The following KCNMA1 variants were observed in gnomAD, a reference collection of about 807,000 sequenced individuals.
KCNMA1 encodes Calcium-activated potassium channel subunit alpha-1.
KCNMA1 carries 29 observed loss-of-function variants against 140.0 expected under a neutral mutation model. That is an observed-to-expected ratio of 0.21 (90% CI 0.15 to 0.28). The LOEUF (loss-of-function observed/expected upper bound fraction) is 0.28. Among genes scored for constraint, KCNMA1 ranks in the 10% least tolerant of loss-of-function variants. The pLI is 1.00. For missense variants in KCNMA1, 880 were observed against 1,602.2 expected (o/e 0.55, Z 7.70); for synonymous variants, 612 against 611.9 (o/e 1.00, Z 0.00).
At chr10:77,401,464 T>C (rs1431603421) in intron 2 of KCNMA1, among the ~76,000 whole-genome samples, 1 of 152,178 alleles carries the variant, frequency 6.6e-6, no homozygotes, top group Non-Finnish European at 1.5e-5. Context: ...CCCAAAATTC[T>C]TTAGCATGGC....
At chr10:76,928,127 T>A (rs1279820653) in intron 23 of KCNMA1, among the ~76,000 whole-genome samples, 1 of 152,152 alleles carries the variant, frequency 6.6e-6, no homozygotes, top group Non-Finnish European at 1.5e-5. Flanking sequence ...TTGCAAACTT[T>A]ATCTTTATTG....
chr10:77,164,788 C>T (rs887066416), intron 5 of KCNMA1, among the ~76,000 whole-genome samples: 1 of 152,114 alleles, frequency 6.6e-6, no homozygotes, highest in African/African-American at 2.4e-5. Flanking sequence ...CCTCTTAGTC[C>T]GGAGGTAACA....
intron 2 of KCNMA1, among the ~76,000 whole-genome samples, chr10:77,359,310 T>C (rs898294230): frequency 6.6e-6 from 1 of 152,098 alleles, no homozygotes; most frequent in Non-Finnish European, 1.5e-5. Flanking sequence ...TCGGTATGTG[T>C]GTGTGAGCGC....
chr10:77,259,660 T>TC (rs2061542128), intron 2 of KCNMA1, among the ~76,000 whole-genome samples: 1 of 152,176 alleles, frequency 6.6e-6, no homozygotes, highest in African/African-American at 2.4e-5. Flanking sequence ...CACAGAGCCT[T>TC]CGCACAAGCA....
intron 24 of KCNMA1, chr10:76,912,113 CCA>C (rs1298807189): frequency 6.6e-6 from 1 of 152,020 alleles, no homozygotes; most frequent in African/African-American, 2.4e-5. Context: ...TCTGAAATAC[CCA>C]GTCTCAGAAG....
intron 2 of KCNMA1, among the ~76,000 whole-genome samples, chr10:77,312,951 A>T (rs1479269774): frequency 1.3e-5 from 2 of 152,186 alleles, no homozygotes; most frequent in Non-Finnish European, 2.9e-5. Context: ...ACAAATTACC[A>T]CATGATTTAA....
chr10:77,403,514 C>A (rs1432921582), intron 2 of KCNMA1, among the ~76,000 whole-genome samples: 1 of 152,184 alleles, frequency 6.6e-6, no homozygotes, highest in Non-Finnish European at 1.5e-5. Context: ...GCATTTGTAG[C>A]CCTTCCATGA....
At chr10:76,928,057 G>A (rs567198718) in intron 23 of KCNMA1, among the ~76,000 whole-genome samples, 47 of 152,124 alleles carry the variant, frequency 3.1e-4, no homozygotes, top group African/African-American at 1.1e-3. Context: ...ATTGTATACT[G>A]GCAAATAGAA....
intron 25 of KCNMA1, among the ~76,000 whole-genome samples, chr10:76,907,374 C>T (rs959004382): frequency 6.6e-6 from 1 of 152,114 alleles, no homozygotes; most frequent in African/African-American, 2.4e-5. Context: ...CAGATGGGCC[C>T]CCACCTCCAC....
intron 2 of KCNMA1, among the ~76,000 whole-genome samples, chr10:77,354,234 C>T (rs1030273268): frequency 6.6e-6 from 1 of 152,210 alleles, no homozygotes; most frequent in African/African-American, 2.4e-5. Flanking sequence ...ACCTCGTGAT[C>T]TGCCTGCCTC....
chr10:77,433,534 C>A (rs1307323736), intron 1 of KCNMA1: 2 of 152,212 alleles, frequency 1.3e-5, no homozygotes, highest in East Asian at 1.9e-4. Flanking sequence ...CTAGGTAATT[C>A]TTCCCAAAGG....
chr10:77,464,504 G>A (rs943886809), intron 1 of KCNMA1, among the ~76,000 whole-genome samples: 4 of 152,118 alleles, frequency 2.6e-5, no homozygotes, highest in Admixed American at 6.5e-5. Flanking sequence ...GGGAAGCAGC[G>A]GGTCTGAGTC....
At chr10:77,527,700 AGAGAGAGAGC>A (rs2056295887) in intron 1 of KCNMA1, among the ~76,000 whole-genome samples, 1 of 151,014 alleles carries the variant, frequency 6.6e-6, no homozygotes, top group Admixed American at 6.6e-5. Context: ...AGAGAAAGAA[AGAGAGAGAGC>A]GAGAGAGAGG....
chr10:76,875,897 T>C (rs917445058), downstream of KCNMA1: 1 of 152,630 alleles, frequency 6.6e-6, no homozygotes. Flanking sequence ...AGTAGGCTAG[T>C]GATTAATTAT....
At chr10:76,909,771 C>T (rs1437392852) in intron 25 of KCNMA1, among the ~76,000 whole-genome samples, 195 bp downstream of exon 25, 1 of 152,190 alleles carries the variant, frequency 6.6e-6, no homozygotes, top group African/African-American at 2.4e-5. Context: ...GCCTTCCTTG[C>T]ACTTGAGGAA....
intron 2 of KCNMA1, among the ~76,000 whole-genome samples, chr10:77,349,963 G>A (rs576718011): frequency 3.3e-5 from 5 of 151,560 alleles, no homozygotes; most frequent in South Asian, 2.1e-4. Flanking sequence ...GTACGATCTC[G>A]GCTTGGCTCA....
At chr10:77,287,136 T>A (rs1324814367) in intron 2 of KCNMA1, among the ~76,000 whole-genome samples, 1 of 152,178 alleles carries the variant, frequency 6.6e-6, no homozygotes, top group African/African-American at 2.4e-5. Context: ...ACAAACCCAG[T>A]TCATTCATGC....
At position 77,275,604 on chromosome 10, in the gene KCNMA1, A is replaced by G. The variant is rs113913244; in HGVS notation, c.541-24348T>C. Among the ~76,000 whole-genome samples the G allele has an allele frequency of 7.4e-4, 112 of 152,310 alleles. 1 individual carries two copies. Among genetic ancestry groups the G allele is most frequent in the African/African-American group, 2.5e-3 (103 of 41,570 alleles). ...TCTGCCTTCCATTGCCATAGTCCCA[A>G]TTGTTGCTCCCCTAGTGAGGGCACA... On this transcript the variant is annotated intron_variant, in intron 2 of 27. Transcript: ENST00000286628.
At chr10:77,263,630 A>G (rs1448051678) in intron 2 of KCNMA1, among the ~76,000 whole-genome samples, 1 of 152,146 alleles carries the variant, frequency 6.6e-6, no homozygotes, top group African/African-American at 2.4e-5. Flanking sequence ...TAAAAGGCTT[A>G]TGTAAAAGGC....
Sources: gnomAD v4.1 joint callset for allele counts (sites outside exome capture counted in the v4.1 genomes callset) on GRCh38, gnomAD v4.1.1 for gene constraint, MANE v1.5 for transcripts, NCBI Gene and HGNC (gene_info 2026-07-23, HGNC 2026-07-21) for gene names.